The following RBFOX1 variants were observed in gnomAD, a reference collection of about 807,000 sequenced individuals.
The protein encoded by RBFOX1 is RNA binding protein fox-1 homolog 1.
A neutral mutation model predicts 57.7 loss-of-function variants in RBFOX1; 8 were observed. The observed-to-expected ratio is 0.14, with a 90% CI of 0.08 to 0.25. The LOEUF is 0.25. RBFOX1 is among the 10% of genes least tolerant of loss of function. The pLI, the probability that RBFOX1 is intolerant of heterozygous loss-of-function variation, is 1.00. For synonymous variants in RBFOX1, 326 were observed against 222.4 expected, an observed-to-expected ratio of 1.47 and a Z score of -4.15; for missense variants, 611 against 548.5, an observed-to-expected ratio of 1.11 and a Z score of -1.14.
intron 2 of RBFOX1, among the ~76,000 whole-genome samples, chr16:6,620,121 T>C (rs1361662587): frequency 6.6e-6 from 1 of 152,186 alleles, no homozygotes; most frequent in Non-Finnish European, 1.5e-5. Context: ...GGTAGGCATT[T>C]AGGTTAAACT....
intron 1 of RBFOX1, among the ~76,000 whole-genome samples, chr16:6,054,011 T>A (rs1341192268): frequency 6.6e-6 from 1 of 152,086 alleles, no homozygotes; most frequent in Non-Finnish European, 1.5e-5. Flanking sequence ...TTGGTGCCAC[T>A]GTACTCCAGC....
intron 3 of RBFOX1, among the ~76,000 whole-genome samples, chr16:6,875,810 G>C (rs1019899459): frequency 1.3e-5 from 2 of 152,146 alleles, no homozygotes; most frequent in South Asian, 2.1e-4. Context: ...TTCAAGACCA[G>C]TCTGGGGAAC....
At chr16:7,181,272 C>G (rs771496767) in intron 4 of RBFOX1, among the ~76,000 whole-genome samples, 1 of 152,056 alleles carries the variant, frequency 6.6e-6, no homozygotes, top group Admixed American at 6.6e-5. Context: ...TGAAGGAGTA[C>G]CAGAACTGAA....
chr16:6,741,489 C>A (rs1057444374), intron 3 of RBFOX1, among the ~76,000 whole-genome samples: 1 of 151,810 alleles, frequency 6.6e-6, no homozygotes, highest in African/African-American at 2.4e-5. Context: ...CATGGCGAAA[C>A]CCTGTCTGTA....
At chr16:6,388,349 G>A (rs1400925828) in intron 2 of RBFOX1, among the ~76,000 whole-genome samples, 1 of 152,024 alleles carries the variant, frequency 6.6e-6, no homozygotes, top group Non-Finnish European at 1.5e-5. Context: ...ACCATGTGGA[G>A]CGTAGGAATG....
At chr16:6,927,997 G>A (rs547042085) in intron 3 of RBFOX1, among the ~76,000 whole-genome samples, 1 of 152,178 alleles carries the variant, frequency 6.6e-6, no homozygotes, top group Non-Finnish European at 1.5e-5. Flanking sequence ...CTGTTCCGCT[G>A]CTGCTGGCTT....
chr16:7,362,102 A>T (rs1240209555), intron 4 of RBFOX1, among the ~76,000 whole-genome samples: 4 of 146,258 alleles, frequency 2.7e-5, no homozygotes, highest in South Asian at 2.2e-4. Flanking sequence ...TATGTGTGTT[A>T]GTGTGTGTAT....
chr16:6,418,633 C>T (rs760196628), intron 2 of RBFOX1, among the ~76,000 whole-genome samples: 6 of 150,394 alleles, frequency 4.0e-5, no homozygotes, highest in African/African-American at 9.8e-5. Flanking sequence ...AAGTGATCCT[C>T]CTACATCAGC....
At chr16:6,921,230 T>A (rs1244357206) in intron 3 of RBFOX1, among the ~76,000 whole-genome samples, 1 of 152,178 alleles carries the variant, frequency 6.6e-6, no homozygotes, top group Non-Finnish European at 1.5e-5. Flanking sequence ...CATTTAGCAA[T>A]TTAAAACAGC....
intron 3 of RBFOX1, among the ~76,000 whole-genome samples, chr16:6,828,012 C>A (rs901630809): frequency 3.3e-5 from 5 of 152,138 alleles, no homozygotes; most frequent in Non-Finnish European, 7.3e-5. Context: ...AATTTTTCCC[C>A]AGCACAGAGC....
chr16:5,702,458 A>G (rs2051087754), intron 3 of RBFOX1, among the ~76,000 whole-genome samples: 1 of 152,152 alleles, frequency 6.6e-6, no homozygotes, highest in Non-Finnish European at 1.5e-5. Flanking sequence ...ACAAATCCAA[A>G]CCATATCACC....
At chr16:7,038,126 G>T (rs143293528) in intron 3 of RBFOX1, among the ~76,000 whole-genome samples, 21 of 152,244 alleles carry the variant, frequency 1.4e-4, no homozygotes, top group Admixed American at 5.2e-4. Flanking sequence ...TAGAGAGGGG[G>T]ATGATGGGAA....
At chr16:7,002,571 G>A (rs1226599334) in intron 3 of RBFOX1, among the ~76,000 whole-genome samples, 1 of 152,076 alleles carries the variant, frequency 6.6e-6, no homozygotes, top group African/African-American at 2.4e-5. Context: ...AATTTGCTGG[G>A]CGTGGTGGCA....
chr16:6,055,587 C>T (rs1242697515), intron 1 of RBFOX1, among the ~76,000 whole-genome samples: 1 of 92,974 alleles, frequency 1.1e-5, no homozygotes, highest in Admixed American at 1.6e-4. Flanking sequence ...AGTGAGACTC[C>T]GTCAAAAAAA....
At chr16:5,683,372 G>A (rs951213711) in intron 3 of RBFOX1, among the ~76,000 whole-genome samples, 2 of 151,996 alleles carry the variant, frequency 1.3e-5, no homozygotes, top group Admixed American at 6.6e-5. Flanking sequence ...TCAATACTGA[G>A]TGTCAACTTG....
intron 3 of RBFOX1, among the ~76,000 whole-genome samples, chr16:6,875,338 G>C (rs866036181): frequency 6.6e-6 from 1 of 152,112 alleles, no homozygotes; most frequent in Non-Finnish European, 1.5e-5. Context: ...ATTTTAATCT[G>C]TCCTTTATAC....
intron 4 of RBFOX1, among the ~76,000 whole-genome samples, chr16:7,330,492 G>T (rs571194751): frequency 8.0e-5 from 10 of 124,252 alleles, no homozygotes; most frequent in Non-Finnish European, 1.3e-4. Flanking sequence ...GTGTGTGTGT[G>T]TGTGTGTGTG....
At position 7,440,732 on chromosome 16, in the gene RBFOX1, G is replaced by C. The variant is rs570404844; in HGVS notation, c.28-77415G>C. 3.3e-5 allele frequency among the ~76,000 whole-genome samples: 5 copies of C among 152,254 alleles called. No homozygotes were observed. In the East Asian group the frequency reaches 9.7e-4, roughly 29 times the overall value. The stretch of plus-strand genomic sequence containing the variant: ...CTGTTTAGGGCTGGGGAGGAGGGAA[G>C]AAGGAAAGGAAATGAAACCCAGGGC... On this transcript the variant is annotated intron_variant, in intron 4 of 15. Coordinates refer to ENST00000550418, the MANE Select transcript of RBFOX1 (RefSeq NM_018723.4).
chr16:6,306,095 G>T (rs1408043995), intron 1 of RBFOX1, among the ~76,000 whole-genome samples: 1 of 152,180 alleles, frequency 6.6e-6, no homozygotes, highest in Non-Finnish European at 1.5e-5. Flanking sequence ...AGAGTATTTG[G>T]TGGGGTGCAA....
Sources: gnomAD v4.1 joint callset for allele counts (sites outside exome capture counted in the v4.1 genomes callset) on GRCh38, gnomAD v4.1.1 for gene constraint, MANE v1.5 for transcripts, NCBI Gene and HGNC (gene_info 2026-07-23, HGNC 2026-07-21) for gene names.